PCDH9: variants seen among roughly 807,000 people sequenced by gnomAD.
The protein encoded by PCDH9 is protocadherin-9.
PCDH9 carries 24 observed loss-of-function variants against 70.6 expected under a neutral mutation model. That is an observed-to-expected ratio of 0.34 (90% confidence interval 0.25 to 0.48). The LOEUF (loss-of-function observed/expected upper bound fraction) is 0.48. Ranked by LOEUF, PCDH9 falls within the 20% of genes least tolerant of loss-of-function variation. The probability of loss-of-function intolerance (pLI) is 0.99; values close to 1 mark genes in which losing one functional copy is unlikely to be tolerated. For synonymous variants in PCDH9, 562 were observed against 558.5 expected (o/e 1.01, Z -0.09); for missense variants, 1,281 against 1,503.6 (o/e 0.85, Z 2.45).
At chr13:66,883,565 G>C (rs971340682) in intron 3 of PCDH9, among the ~76,000 whole-genome samples, 3 of 152,080 alleles carry the variant, frequency 2.0e-5, no homozygotes, top group Non-Finnish European at 4.4e-5. Context: ...TTGAAATAAT[G>C]GTTCTAAGCA....
chr13:66,782,930 T>G (rs2080023154), intron 3 of PCDH9: 1 of 152,222 alleles, frequency 6.6e-6, no homozygotes, highest in Non-Finnish European at 1.5e-5. Context: ...CATAAATTAA[T>G]CTAAACAATT....
chr13:67,100,552 G>T (rs958935394), intron 2 of PCDH9, among the ~76,000 whole-genome samples: 1 of 152,126 alleles, frequency 6.6e-6, no homozygotes, highest in South Asian at 2.1e-4. Flanking sequence ...TGCTGTTAAC[G>T]CAAGAATTAA....
At chr13:66,399,728 C>CA (rs1277055882) in intron 4 of PCDH9, among the ~76,000 whole-genome samples, 97 of 143,402 alleles carry the variant, frequency 6.8e-4, no homozygotes, top group East Asian at 2.7e-3. Context: ...AATAAAGAAC[C>CA]AAAAAAAAAG....
intron 4 of PCDH9, among the ~76,000 whole-genome samples, chr13:66,489,477 A>AT (rs1303070354): frequency 6.6e-6 from 1 of 151,898 alleles, no homozygotes; most frequent in Middle Eastern, 3.4e-3. Flanking sequence ...CACCCAGCAA[A>AT]TTTTTTCTAT....
intron 2 of PCDH9, among the ~76,000 whole-genome samples, chr13:66,975,060 T>C (rs1239220844): frequency 6.6e-6 from 1 of 151,950 alleles, no homozygotes; most frequent in Non-Finnish European, 1.5e-5. Flanking sequence ...TAAAAGAAAA[T>C]TGTGGGTTTA....
intron 2 of PCDH9, chr13:67,218,898 A>G (rs1424813819): frequency 6.6e-6 from 1 of 152,054 alleles, no homozygotes; most frequent in African/African-American, 2.4e-5. Flanking sequence ...AAAACGTGAT[A>G]TGTGCTTATG....
At chr13:66,701,568 T>C (rs766004194) in intron 3 of PCDH9, among the ~76,000 whole-genome samples, 1 of 152,170 alleles carries the variant, frequency 6.6e-6, no homozygotes, top group Non-Finnish European at 1.5e-5. Flanking sequence ...TCTTTTTGTT[T>C]GGCCTAGCTT....
intron 2 of PCDH9, among the ~76,000 whole-genome samples, chr13:67,164,120 A>G (rs1221400678): frequency 6.6e-6 from 1 of 152,216 alleles, no homozygotes; most frequent in African/African-American, 2.4e-5. Flanking sequence ...TAATGCAATC[A>G]TAATGCATCT....
intron 3 of PCDH9, among the ~76,000 whole-genome samples, chr13:66,900,114 C>T (rs966122702): frequency 2.0e-5 from 3 of 151,880 alleles, no homozygotes; most frequent in Non-Finnish European, 4.4e-5. Flanking sequence ...ATCAAATAGC[C>T]TGTGAGGTTT....
chr13:67,154,974 T>G (rs1315339465), intron 2 of PCDH9, among the ~76,000 whole-genome samples: 1 of 151,894 alleles, frequency 6.6e-6, no homozygotes, highest in African/African-American at 2.4e-5. Flanking sequence ...GAGTGGTGGG[T>G]GGGTGGCATG....
intron 2 of PCDH9, among the ~76,000 whole-genome samples, chr13:67,154,441 G>A (rs576690480): frequency 2.6e-5 from 4 of 151,724 alleles, no homozygotes; most frequent in African/African-American, 9.7e-5. Context: ...GCTGGGCACG[G>A]CGGTAAGTGC....
In PCDH9 at chr13:66,304,513, A is replaced by G; in HGVS notation, c.*142T>C. ...CTCTCATATGTTGCAAAAACATTGTATTCTCCATGGTGCTAACACAAAGTT... is the reference window on the plus strand; with the variant it reads ...CTCTCATATGTTGCAAAAACATTGTGTTCTCCATGGTGCTAACACAAAGTT... On this transcript the variant is annotated 3_prime_UTR_variant, in exon 5 of 5. Coordinates refer to ENST00000377865, the MANE Select transcript of PCDH9 (RefSeq NM_203487.3). The G allele has an allele frequency of 1.5e-6, 1 of 667,586 alleles. No homozygotes were observed. Among genetic ancestry groups the G allele is most frequent in the Non-Finnish European group, 2.6e-6 (1 of 383,846 alleles). 41.4% of individuals were successfully genotyped at this position (667,586 alleles called of 1,614,324 possible). A position where few individuals can be genotyped will look rare whatever the true frequency, so the allele number is the denominator to read the frequency against.
chr13:66,867,861 C>T (rs1447793560), intron 3 of PCDH9, among the ~76,000 whole-genome samples: 2 of 151,428 alleles, frequency 1.3e-5, no homozygotes, highest in South Asian at 2.1e-4. Flanking sequence ...TTTCATTTTC[C>T]TTTTAAAATC....
At chr13:67,089,561 C>T (rs1246287429) in intron 2 of PCDH9, among the ~76,000 whole-genome samples, 2 of 151,972 alleles carry the variant, frequency 1.3e-5, no homozygotes, top group African/African-American at 4.8e-5. Context: ...CGTCAAGCAA[C>T]ATAGAGTTTT....
chr13:66,400,054 G>A (rs1251663311), intron 4 of PCDH9, among the ~76,000 whole-genome samples: 1 of 152,124 alleles, frequency 6.6e-6, no homozygotes, highest in Non-Finnish European at 1.5e-5. Context: ...TAACAGCTCA[G>A]GTGGCTCCAT....
chr13:66,575,727 C>G (rs758975392), intron 4 of PCDH9, among the ~76,000 whole-genome samples: 2 of 152,146 alleles, frequency 1.3e-5, no homozygotes, highest in Non-Finnish European at 2.9e-5. Flanking sequence ...AGAACCATCT[C>G]CCTCCAACTA....
chr13:66,538,289 G>A (rs1424686429), intron 4 of PCDH9, among the ~76,000 whole-genome samples: 3 of 152,126 alleles, frequency 2.0e-5, no homozygotes, highest in Non-Finnish European at 4.4e-5. Context: ...TTCACAGGAA[G>A]GCAATGATTT....
At chr13:67,048,188 TA>T (rs2085258761) in intron 2 of PCDH9, among the ~76,000 whole-genome samples, 1 of 152,300 alleles carries the variant, frequency 6.6e-6, no homozygotes, top group East Asian at 1.9e-4. Flanking sequence ...TTGCTCTTCT[TA>T]GAGCCTAACA....
intron 2 of PCDH9, among the ~76,000 whole-genome samples, chr13:67,042,344 G>A (rs150015278): frequency 3.1e-3 from 470 of 152,200 alleles, no homozygotes; most frequent in Admixed American, 4.6e-3. Context: ...CAATCATGGA[G>A]GAAGACAAAG....
Sources: gnomAD v4.1 joint callset for allele counts (sites outside exome capture counted in the v4.1 genomes callset) on GRCh38, gnomAD v4.1.1 for gene constraint, MANE v1.5 for transcripts, NCBI Gene and HGNC (gene_info 2026-07-23, HGNC 2026-07-21) for gene names.